HS6ST2: variants seen among roughly 807,000 people sequenced by gnomAD.
HS6ST2 encodes heparan-sulfate 6-O-sulfotransferase 2.
A neutral mutation model predicts 33.0 loss-of-function variants in HS6ST2; 17 were observed. That is an observed-to-expected ratio of 0.52 (90% CI 0.35 to 0.77). The LOEUF (loss-of-function observed/expected upper bound fraction) is 0.77, where lower values mean the gene tolerates loss of function less well. HS6ST2 is among the 30% of genes least tolerant of loss of function. HS6ST2 has a pLI of 0.01. For missense variants in HS6ST2, 519 were observed against 551.7 expected (o/e 0.94, Z 0.59); for synonymous variants, 248 against 237.1 (o/e 1.05, Z -0.42).
At chrX:132,832,879 A>G (rs1254216353) in intron 2 of HS6ST2, among the ~76,000 whole-genome samples, 2 of 111,620 alleles carry the variant, frequency 1.8e-5, no homozygotes, top group Non-Finnish European at 3.8e-5. Context: ...TTTTTAGTAT[A>G]TTCACTGATG....
intron 2 of HS6ST2, among the ~76,000 whole-genome samples, chrX:132,714,596 G>A (rs948692385): frequency 3.6e-5 from 4 of 111,663 alleles, no homozygotes; most frequent in Non-Finnish European, 5.6e-5. Flanking sequence ...TGGGATTACA[G>A]GCATAAGCCA....
intron 4 of HS6ST2, among the ~76,000 whole-genome samples, chrX:132,663,153 T>C (rs2063785912): frequency 8.9e-6 from 1 of 112,298 alleles, no homozygotes; most frequent in Non-Finnish European, 1.9e-5. Flanking sequence ...ACTCCAAAGC[T>C]GATGTTCTTT....
chrX:132,765,891 A>C (rs948462278), intron 2 of HS6ST2, among the ~76,000 whole-genome samples: 1 of 112,072 alleles, frequency 8.9e-6, no homozygotes, highest in African/African-American at 3.2e-5. Flanking sequence ...TCTCCTTTTT[A>C]AGTTTAGGAA....
intron 2 of HS6ST2, among the ~76,000 whole-genome samples, chrX:132,945,634 A>G: frequency 9.0e-6 from 1 of 110,740 alleles, no homozygotes; most frequent in Middle Eastern, 4.6e-3. Context: ...GACTGGATTA[A>G]GAAAATGTGG....
intron 2 of HS6ST2, among the ~76,000 whole-genome samples, chrX:132,822,114 G>A (rs748532647): frequency 5.5e-4 from 62 of 112,101 alleles, no homozygotes; most frequent in African/African-American, 1.8e-3. Context: ...CCTGTTAACA[G>A]GTGAGGGTAC....
chrX:132,725,969 A>G (rs1179741208), intron 2 of HS6ST2, among the ~76,000 whole-genome samples: 1 of 110,273 alleles, frequency 9.1e-6, no homozygotes, highest in African/African-American at 3.3e-5. Flanking sequence ...AAACAATTGA[A>G]CTCATAAAGA....
At chrX:132,889,191 G>A (rs1891958033) in intron 2 of HS6ST2, among the ~76,000 whole-genome samples, 1 of 110,599 alleles carries the variant, frequency 9.0e-6, no homozygotes, top group Admixed American at 9.8e-5. Flanking sequence ...GCAGTAGGGA[G>A]GGCCCAGCTA....
intron 2 of HS6ST2, among the ~76,000 whole-genome samples, chrX:132,720,167 G>A (rs2064315622): frequency 8.9e-6 from 1 of 112,553 alleles, no homozygotes; most frequent in Non-Finnish European, 1.9e-5. Flanking sequence ...GGCCCCTGGA[G>A]TAGGAAGAAG....
At chrX:132,846,678 T>C (rs2065753026) in intron 2 of HS6ST2, among the ~76,000 whole-genome samples, 1 of 111,392 alleles carries the variant, frequency 9.0e-6, no homozygotes, top group African/African-American at 3.3e-5. Context: ...TGCATCCTTG[T>C]TTCCCCCTAC....
At chrX:132,812,585 G>T (rs919919704) in intron 2 of HS6ST2, among the ~76,000 whole-genome samples, 29 of 49,553 alleles carry the variant, frequency 5.9e-4, no homozygotes, top group Non-Finnish European at 8.1e-4. Context: ...TTTTTTTTTG[G>T]GGGGGGGAGA....
At chrX:132,937,524 A>G (rs1295850632) in intron 2 of HS6ST2, among the ~76,000 whole-genome samples, 1 of 111,625 alleles carries the variant, frequency 9.0e-6, no homozygotes, top group Non-Finnish European at 1.9e-5. Context: ...CAGAGTAGAG[A>G]ACCCAGAAAA....
intron 2 of HS6ST2, among the ~76,000 whole-genome samples, chrX:132,857,999 T>C (rs2065870470): frequency 8.9e-6 from 1 of 112,244 alleles, no homozygotes; most frequent in African/African-American, 3.2e-5. Flanking sequence ...TAAATTGACA[T>C]GGCCCAAATC....
At chrX:132,662,856 G>A (rs930084703) in intron 4 of HS6ST2, among the ~76,000 whole-genome samples, 1 of 111,725 alleles carries the variant, frequency 9.0e-6, no homozygotes, top group Non-Finnish European at 1.9e-5. Flanking sequence ...TGGTGCTGGG[G>A]CTTTTGCTTC....
At chrX:132,880,832 G>T (rs1602798401) in intron 2 of HS6ST2, among the ~76,000 whole-genome samples, 2 of 99,980 alleles carry the variant, frequency 2.0e-5, no homozygotes, top group Non-Finnish European at 4.0e-5. Context: ...CTGTGTCCAA[G>T]TGTACTCATT....
chrX:132,671,423 G>A (rs976424208), intron 3 of HS6ST2, among the ~76,000 whole-genome samples: 2 of 107,666 alleles, frequency 1.9e-5, no homozygotes, highest in Admixed American at 2.0e-4. Flanking sequence ...ACTAAGTGCT[G>A]AGTCACTAAG....
intron 2 of HS6ST2, among the ~76,000 whole-genome samples, chrX:132,867,027 G>A (rs1463311132): frequency 1.2e-5 from 1 of 83,854 alleles, no homozygotes; most frequent in Admixed American, 1.2e-4. Context: ...TTGAATAGGA[G>A]TGGTGAGAGA....
chrX:132,876,331 C>T (rs1159552361), intron 2 of HS6ST2, among the ~76,000 whole-genome samples: 1 of 111,884 alleles, frequency 8.9e-6, no homozygotes, highest in East Asian at 2.8e-4. Context: ...GCATCAGGTG[C>T]TAAGTTAATT....
chrX:132,635,742 C>T (rs1480574734), intron 4 of HS6ST2, among the ~76,000 whole-genome samples: 1 of 110,125 alleles, frequency 9.1e-6, no homozygotes, highest in East Asian at 2.8e-4. Context: ...AGTCCCCCTA[C>T]AACAAAGAAA....
Position 132,815,731 on chromosome X carries a change from C to T in HS6ST2, c.948-107237G>A, listed in dbSNP as rs1029465702. On this transcript the variant is annotated intron_variant, in intron 2 of 4. Coordinates refer to ENST00000370833, the MANE Select transcript of HS6ST2 (RefSeq NM_001394073.1). ...ACATTCTACGATGCTATGATAAGTA[C>T]GCTTCACCTGCCTGATGTCTCTTTC... Among the ~76,000 whole-genome samples the T allele has an allele frequency of 8.1e-5, 9 of 111,462 alleles. No homozygotes were observed. The East Asian group carries it at 8.5e-4, about 10-fold the overall frequency.
Sources: gnomAD v4.1 joint callset for allele counts (sites outside exome capture counted in the v4.1 genomes callset) on GRCh38, gnomAD v4.1.1 for gene constraint, MANE v1.5 for transcripts, NCBI Gene and HGNC (gene_info 2026-07-23, HGNC 2026-07-21) for gene names.